CNBD1: variants seen among roughly 807,000 people sequenced by gnomAD.
CNBD1 encodes cyclic nucleotide binding domain containing 1.
In CNBD1, 71 loss-of-function variants were observed where a neutral mutation model predicts 54.4. The observed-to-expected ratio is 1.30, with a 90% CI of 1.08 to 1.59. CNBD1 has a LOEUF of 1.59. Ranked by LOEUF, CNBD1 falls within the 40% of genes most tolerant of loss-of-function variation. The probability of loss-of-function intolerance (pLI) is 0.00; values close to 1 mark genes in which losing one functional copy is unlikely to be tolerated. For missense variants in CNBD1, 659 were observed against 518.0 expected, an observed-to-expected ratio of 1.27 and a Z score of -2.64; for synonymous variants, 182 against 170.7, an observed-to-expected ratio of 1.07 and a Z score of -0.51.
chr8:87,351,880 TTTATTTGTA>T, intron 9 of CNBD1, 86 bp downstream of exon 9: 1 of 1,216,404 alleles, frequency 8.2e-7, no homozygotes, highest in Non-Finnish European at 1.1e-6. Flanking sequence ...TTACTAGACA[TTTATTTGTA>T]TTACTTTGTG....
At chr8:86,878,127 A>AGG (rs1808552649) in intron 1 of CNBD1, among the ~76,000 whole-genome samples, 1 of 151,348 alleles carries the variant, frequency 6.6e-6, no homozygotes, top group Non-Finnish European at 1.5e-5. Context: ...AGAGAGAGAG[A>AGG]GAGACGGAGA....
At chr8:87,378,254 C>T (rs571826984) in intron 10 of CNBD1, among the ~76,000 whole-genome samples, 1 of 143,244 alleles carries the variant, frequency 7.0e-6, no homozygotes, top group East Asian at 2.0e-4. Flanking sequence ...ATGGTAATGC[C>T]TAGGTTTTCT....
At chr8:87,198,406 T>C (rs868122082) in intron 4 of CNBD1, among the ~76,000 whole-genome samples, 2 of 152,188 alleles carry the variant, frequency 1.3e-5, no homozygotes, top group East Asian at 1.9e-4. Context: ...TCCCCTATTA[T>C]ATTATTCGAA....
chr8:87,316,378 T>A (rs1809386544), intron 8 of CNBD1, among the ~76,000 whole-genome samples: 1 of 152,056 alleles, frequency 6.6e-6, no homozygotes, highest in Non-Finnish European at 1.5e-5. Context: ...CTTATCACAC[T>A]GGCAAATTTT....
intron 4 of CNBD1, among the ~76,000 whole-genome samples, chr8:86,968,178 G>A (rs959612445): frequency 6.6e-6 from 1 of 152,088 alleles, no homozygotes; most frequent in African/African-American, 2.4e-5. Flanking sequence ...TTATTTTGAG[G>A]ACACACCTTG....
intron 8 of CNBD1, among the ~76,000 whole-genome samples, chr8:87,316,246 A>C (rs1360068191): frequency 3.3e-5 from 5 of 152,064 alleles, no homozygotes; most frequent in African/African-American, 1.2e-4. Context: ...ACGAATAGTA[A>C]AATCTCAAGG....
chr8:86,930,770 G>C (rs1809443895), intron 3 of CNBD1, among the ~76,000 whole-genome samples: 1 of 152,270 alleles, frequency 6.6e-6, no homozygotes, highest in South Asian at 2.1e-4. Flanking sequence ...CTAGAATTGG[G>C]GTGTTGCAGG....
intron 8 of CNBD1, among the ~76,000 whole-genome samples, chr8:87,300,007 A>G (rs1475559537): frequency 6.6e-6 from 1 of 152,216 alleles, no homozygotes; most frequent in Non-Finnish European, 1.5e-5. Context: ...GAAAAATATA[A>G]TATAGTGAAA....
chr8:87,354,231 T>C (rs1489366205), intron 10 of CNBD1, among the ~76,000 whole-genome samples: 1 of 151,840 alleles, frequency 6.6e-6, no homozygotes, highest in African/African-American at 2.4e-5. Context: ...GGTATAGTAA[T>C]AATAATAGCA....
At chr8:87,097,733 G>C (rs1048520665) in intron 4 of CNBD1, among the ~76,000 whole-genome samples, 2 of 152,174 alleles carry the variant, frequency 1.3e-5, no homozygotes, top group African/African-American at 2.4e-5. Flanking sequence ...GCATTTGATT[G>C]TGCCTTGGCT....
At chr8:87,013,501 A>C (rs1312798939) in intron 4 of CNBD1, among the ~76,000 whole-genome samples, 2 of 151,918 alleles carry the variant, frequency 1.3e-5, no homozygotes, top group South Asian at 2.1e-4. Flanking sequence ...TTCTATTCTA[A>C]GTTATCTTTC....
chr8:87,253,244 C>T (rs142688891), intron 6 of CNBD1, among the ~76,000 whole-genome samples: 37 of 152,196 alleles, frequency 2.4e-4, no homozygotes, highest in East Asian at 9.7e-4. Context: ...CGGAGGATTA[C>T]GTCTAAGGGC....
intron 10 of CNBD1, among the ~76,000 whole-genome samples, chr8:87,359,900 T>C (rs1810494020): frequency 6.6e-6 from 1 of 152,080 alleles, no homozygotes; most frequent in South Asian, 2.1e-4. Flanking sequence ...AAAATAATTA[T>C]GTTCCAATAG....
intron 4 of CNBD1, among the ~76,000 whole-genome samples, chr8:87,195,350 TC>T (rs1813696252): frequency 6.7e-6 from 1 of 150,262 alleles, no homozygotes; most frequent in East Asian, 2.0e-4. Context: ...TGCCTCAGCC[TC>T]CCAAATAACT....
intron 4 of CNBD1, among the ~76,000 whole-genome samples, chr8:87,049,726 A>G (rs1257905955): frequency 6.6e-6 from 1 of 152,210 alleles, no homozygotes; most frequent in Non-Finnish European, 1.5e-5. Flanking sequence ...ACTGAACTGC[A>G]GATCCTCTAG....
At chr8:87,221,293 A>G (rs1814332331) in intron 5 of CNBD1, among the ~76,000 whole-genome samples, 2 of 152,102 alleles carry the variant, frequency 1.3e-5, no homozygotes, top group Admixed American at 1.3e-4. Context: ...TCCAATTTCC[A>G]GTGCTCTCCT....
intron 6 of CNBD1, among the ~76,000 whole-genome samples, chr8:87,247,624 T>A (rs980885672): frequency 6.6e-6 from 1 of 152,132 alleles, no homozygotes; most frequent in Admixed American, 6.5e-5. Context: ...AGGGGTGATT[T>A]TTTTTCTATA....
At chr8:87,056,425 T>A (rs1484053380) in intron 4 of CNBD1, among the ~76,000 whole-genome samples, 1 of 152,202 alleles carries the variant, frequency 6.6e-6, no homozygotes, top group African/African-American at 2.4e-5. Flanking sequence ...TTAATAGCAT[T>A]GACACTCATA....
At chr8:86,899,562 T>C (rs1808901381) in intron 2 of CNBD1, among the ~76,000 whole-genome samples, 1 of 152,152 alleles carries the variant, frequency 6.6e-6, no homozygotes, top group African/African-American at 2.4e-5. Context: ...TTATTAATCA[T>C]CATTGTGATT....
Sources: gnomAD v4.1 joint callset for allele counts (sites outside exome capture counted in the v4.1 genomes callset) on GRCh38, gnomAD v4.1.1 for gene constraint, MANE v1.5 for transcripts, NCBI Gene and HGNC (gene_info 2026-07-23, HGNC 2026-07-21) for gene names.